Variants in SMYD1 observed in about 807,000 individuals in gnomAD.
The protein encoded by SMYD1 is histone-lysine N-methyltransferase SMYD1.
Under a neutral mutation model 54.0 loss-of-function variants are expected in SMYD1, and 49 were observed. That is an observed-to-expected ratio of 0.91 (90% CI 0.72 to 1.15). SMYD1 has a LOEUF of 1.15. Among genes scored for constraint, SMYD1 ranks in the 50% most tolerant of loss-of-function variants. The pLI is 0.00. For synonymous variants in SMYD1, 269 were observed against 234.2 expected (o/e 1.15, Z -1.36); for missense variants, 653 against 639.6 (o/e 1.02, Z -0.23).
In SMYD1 at chr2:88,106,972, G is replaced by A. The variant is rs141465440; in HGVS notation, c.1145+484G>A. Among the ~76,000 whole-genome samples the A allele has an allele frequency of 3.4e-3, 515 of 152,230 alleles. 8 individuals carry two copies. In the East Asian group the frequency reaches 0.062, roughly 18 times the overall value. ...TCCCAGCATTTTGGGAGGCCGAGGC[G>A]GGAGGATCACGAGGTGGGGAGATAG... On this transcript the variant is annotated intron_variant, in intron 8 of 9. Coordinates refer to ENST00000419482, the MANE Select transcript of SMYD1 (RefSeq NM_198274.4).
At chr2:88,083,609 T>C (rs931352210) in intron 1 of SMYD1, among the ~76,000 whole-genome samples, 1 of 152,182 alleles carries the variant, frequency 6.6e-6, no homozygotes, top group Non-Finnish European at 1.5e-5. Flanking sequence ...TCATAGTGTG[T>C]AGATATTATT....
At chr2:88,075,491 G>C (rs1674039935) in intron 1 of SMYD1, among the ~76,000 whole-genome samples, 1 of 150,526 alleles carries the variant, frequency 6.6e-6, no homozygotes, top group East Asian at 2.0e-4. Flanking sequence ...AAAATAAATT[G>C]ACAATCTCCA....
chr2:88,087,079 C>CA (rs57379534), intron 2 of SMYD1, among the ~76,000 whole-genome samples: 17,826 of 83,690 alleles, frequency 0.21, 1,913 homozygotes, highest in Middle Eastern at 0.29. Context: ...GTATAGCTTC[C>CA]AAAAAAAAAA....
At chr2:88,092,918 T>C (rs1476029888) in intron 4 of SMYD1, among the ~76,000 whole-genome samples, 2 of 152,230 alleles carry the variant, frequency 1.3e-5, no homozygotes, top group African/African-American at 4.8e-5. Flanking sequence ...TCCTTGCATC[T>C]ACTAATTTCT....
chr2:88,099,910 GTCCTCTGGCCCCTCCCCTTA>G (rs1674681608), intron 6 of SMYD1, among the ~76,000 whole-genome samples: 1 of 131,180 alleles, frequency 7.6e-6, no homozygotes, highest in Non-Finnish European at 1.6e-5. Flanking sequence ...CCCTCCCCTT[GTCCTCTGGCCCCTCCCCTTA>G]TCCTCTGGCC....
intron 3 of SMYD1, among the ~76,000 whole-genome samples, chr2:88,089,590 T>C (rs1237777458): frequency 7.0e-6 from 1 of 142,214 alleles, no homozygotes; most frequent in African/African-American, 2.7e-5. Flanking sequence ...TACCTGTTTT[T>C]TTTTTTTTTT....
rs758426428 is a variant in SMYD1, at chr2:88,096,654, T to C, written c.758T>C (p.Ile253Thr). The change falls in exon 6 of 10, where the codon ATT becomes ACT. Residue 253 changes from isoleucine to threonine, a missense_variant. Physicochemically the swap from Ile to Thr is moderately conservative, Grantham distance 89. Coordinates refer to ENST00000419482, the MANE Select transcript of SMYD1 (RefSeq NM_198274.4). ...GGAGAGGAGCTGACTGTGTCCTATA[T>C]TGACTTCCTCAACGTTAGTGAAGAA... ...SEGEELTVSY[I>T]DFLNVSEERK... The C allele has an allele frequency of 1.2e-5, 19 of 1,614,064 alleles. No individual in the cohort carries two copies. Among genetic ancestry groups the C allele is most frequent in the East Asian group, 6.7e-5 (3 of 44,902 alleles).
At chr2:88,086,213 G>A (rs2103990974) in intron 2 of SMYD1, among the ~76,000 whole-genome samples, 1 of 152,262 alleles carries the variant, frequency 6.6e-6, no homozygotes, top group Non-Finnish European at 1.5e-5. Context: ...ATGTACAAGG[G>A]ATCTCTTTGT....
At chr2:88,110,320 C>T in intron 9 of SMYD1, 34 bp from the exon 10 acceptor site, 1 of 1,587,340 alleles carries the variant, frequency 6.3e-7, no homozygotes, top group Non-Finnish European at 8.6e-7. Flanking sequence ...TAGGGGCTTG[C>T]TATCACTGTT....
chr2:88,091,012 A>G lies in SMYD1; in HGVS notation c.529A>G (p.Ile177Val), dbSNP rs1674448223. 1.2e-6 allele frequency: 2 copies of G among 1,612,738 alleles called. No individual in the cohort carries two copies. Among genetic ancestry groups the G allele is most frequent in the Non-Finnish European group, 1.7e-6 (2 of 1,179,164 alleles). The change falls in exon 4 of 10, where the codon ATT becomes GTT. Residue 177 changes from isoleucine (I) to valine (V), a missense_variant and splice_region_variant. By Grantham distance (29) the Ile-to-Val change is conservative (BLOSUM62 3). Transcript: ENST00000419482. ...MQYISHIFGVINCNGFTLSDQ... is the reference protein window; with the variant it reads ...MQYISHIFGVVNCNGFTLSDQ... ...CTCTTTCATCTTTTCCCCTGGGTAG[A>G]TTAACTGCAACGGTTTTACTCTCAG... is the stretch of plus-strand genomic sequence containing the variant.
At chr2:88,078,243 A>G (rs62159372) in intron 1 of SMYD1, among the ~76,000 whole-genome samples, 257 of 152,298 alleles carry the variant, frequency 1.7e-3, no homozygotes, top group Non-Finnish European at 3.0e-3. Flanking sequence ...CTCTGTGCTG[A>G]CCATCTTACA....
At chr2:88,092,071 T>G (rs1325071758) in intron 4 of SMYD1, among the ~76,000 whole-genome samples, 1 of 152,108 alleles carries the variant, frequency 6.6e-6, no homozygotes. Flanking sequence ...GGCTTATAAC[T>G]GTGTCTAGAG....
Position 88,103,241 on chromosome 2 carries a change from C to T in SMYD1, c.981+91C>T, listed in dbSNP as rs538385601. 1.2e-4 allele frequency: 52 copies of T among 432,786 alleles called. 1 individual carries two copies. The highest frequency in any genetic ancestry group is 4.1e-4 in the East Asian group (7 of 17,048). The allele number at this position is 432,786 out of a possible 1,614,324, so 26.8% of individuals were successfully genotyped here. A position where few individuals can be genotyped will look rare whatever the true frequency, so the allele number is the denominator to read the frequency against. On this transcript the variant is annotated intron_variant, in intron 7 of 9. Transcript: ENST00000419482. ...AGGGAAGTGGCGTGAGAACGGGCGG[C>T]GGGGGAGGGGGGCTACCAAGCAGGT...
rs138879143 is a variant in SMYD1, at chr2:88,075,851, T to G, written c.137+7850T>G. Reference sequence around the variant, plus strand: ...AGCCACTACCCCAGCCCCCACTGACTTCTTATGTCAAGGTATTTAATAGTC... The same window carrying G: ...AGCCACTACCCCAGCCCCCACTGACGTCTTATGTCAAGGTATTTAATAGTC... On this transcript the variant is annotated intron_variant, in intron 1 of 9. Coordinates refer to ENST00000419482, the MANE Select transcript of SMYD1 (RefSeq NM_198274.4). Among the ~76,000 whole-genome samples, 1,004 of 152,192 alleles carry G rather than the reference T, an allele frequency of 6.6e-3. 18 individuals carry two copies. Among genetic ancestry groups the G allele is most frequent in the African/African-American group, 0.023 (964 of 41,512 alleles).
intron 6 of SMYD1, among the ~76,000 whole-genome samples, chr2:88,097,092 G>T (rs1430889435): frequency 6.6e-6 from 1 of 152,162 alleles, no homozygotes; most frequent in African/African-American, 2.4e-5. Context: ...TAAAAGGAGT[G>T]GCATACGGAG....
intron 6 of SMYD1, 21 bp downstream of exon 6, chr2:88,096,805 G>GA (rs770885100): frequency 6.2e-7 from 1 of 1,603,674 alleles, no homozygotes; most frequent in African/African-American, 1.3e-5. Flanking sequence ...CCCTGCTGCT[G>GA]AGGTGTTTGT....
chr2:88,108,661 C>A, intron 9 of SMYD1, 122 bp downstream of exon 9: 2 of 952,948 alleles, frequency 2.1e-6, no homozygotes, highest in African/African-American at 1.7e-5. Context: ...CAAAAGGGAA[C>A]TCAGAAACGC....
At position 88,088,018 on chromosome 2, in the gene SMYD1, C is replaced by A. The variant is rs1022896582; in HGVS notation, c.471C>A (p.Tyr157Ter). The change falls in exon 3 of 10, where the codon TAC becomes TAA. Residue 157 changes from tyrosine (Y) to a stop codon, truncating the protein, a stop_gained. Transcript: ENST00000419482. LOFTEE classifies it high-confidence loss of function. ...TGGACGTGGACACATTCTTGCAGTACTGGCCGCCGCAGAGCCAGCAGTTCA... is the reference window on the plus strand; with the variant it reads ...TGGACGTGGACACATTCTTGCAGTAATGGCCGCCGCAGAGCCAGCAGTTCA... ...LRVDVDTFLQYWPPQSQQFSM... is the reference protein window; with the variant it reads ...LRVDVDTFLQ 2 of 1,614,038 alleles carry A rather than the reference C, an allele frequency of 1.2e-6. No homozygotes were observed. The highest frequency in any genetic ancestry group is 2.7e-5 in the African/African-American group (2 of 74,934).
At chr2:88,101,257 A>T (rs1252376247) in intron 6 of SMYD1, among the ~76,000 whole-genome samples, 1 of 152,256 alleles carries the variant, frequency 6.6e-6, no homozygotes, top group Non-Finnish European at 1.5e-5. Context: ...TGTAAACCGC[A>T]AATCGAAAGG....
Sources: gnomAD v4.1 joint callset for allele counts (sites outside exome capture counted in the v4.1 genomes callset) on GRCh38, gnomAD v4.1.1 for gene constraint, MANE v1.5 for transcripts, NCBI Gene and HGNC (gene_info 2026-07-23, HGNC 2026-07-21) for gene names.